Variants in CALHM2 observed in about 807,000 individuals in gnomAD.
CALHM2 encodes calcium homeostasis modulator family member 2, also known as calcium homeostasis modulator protein 2.
Under a neutral mutation model 20.4 loss-of-function variants are expected in CALHM2, and 18 were observed. The observed-to-expected ratio is 0.88, with a 90% CI of 0.61 to 1.31. The LOEUF is 1.31. Among genes scored for constraint, CALHM2 ranks in the 50% most tolerant of loss-of-function variants. CALHM2 has a pLI of 0.00. For synonymous variants in CALHM2, 193 were observed against 192.1 expected (o/e 1.00, Z -0.04); for missense variants, 411 against 435.7 (o/e 0.94, Z 0.50).
intron 3 of CALHM2, among the ~76,000 whole-genome samples, chr10:103,447,886 C>G (rs1412502118): frequency 6.6e-6 from 1 of 152,184 alleles, no homozygotes; most frequent in African/African-American, 2.4e-5. Context: ...CCTCTGGGAG[C>G]ACTTGTGCCT....
rs148209791 is a variant in CALHM2 at position 103,447,457 on chromosome 10, A to G, written c.667T>C (p.Tyr223His). Reference protein sequence around the residue: ...SYRQEAYWAQYRANEDQLFQR... With the variant: ...SYRQEAYWAQHRANEDQLFQR... ...AACAGCTGGTCCTCATTGGCGCGGTACTGCGCCCAGTAGGCCTCCTGGCGG... is the reference window on the plus strand; with the variant it reads ...AACAGCTGGTCCTCATTGGCGCGGTGCTGCGCCCAGTAGGCCTCCTGGCGG... Residue 223 changes from tyrosine (Y) to histidine (H), a missense_variant, in exon 4 of 4, where the codon TAC becomes CAC. Transcript: ENST00000260743. 6.2e-7 allele frequency: 1 copy of G among 1,614,154 alleles called. No homozygotes were observed. Among genetic ancestry groups the G allele is most frequent in the African/African-American group, 1.3e-5 (1 of 75,080 alleles).
rs1592148313 is a variant in CALHM2, at chr10:103,447,412, G to A, written c.712C>T (p.His238Tyr). Residue 238 changes from histidine (H) to tyrosine (Y), a missense_variant, in exon 4 of 4, where the codon CAC becomes TAC. Physicochemically the swap from His to Tyr is moderately conservative, Grantham distance 83. Transcript: ENST00000260743. The stretch of plus-strand genomic sequence containing the variant: ...TTGTTGGCAGCGAGCACCCGAGAGT[G>A]CACCTCGGCCGTGCGCTGGAACAGC... Reference protein sequence around the residue: ...DQLFQRTAEVHSRVLAANNVR... With the variant: ...DQLFQRTAEVYSRVLAANNVR... The A allele has an allele frequency of 6.2e-7, 1 of 1,614,190 alleles. No homozygotes were observed. The highest frequency in any genetic ancestry group is 8.5e-7 in the Non-Finnish European group (1 of 1,180,008).
Position 103,449,656 on chromosome 10 carries a change from C to G in CALHM2, c.286G>C (p.Ala96Pro). The G allele has an allele frequency of 1.2e-6, 2 of 1,613,814 alleles. No homozygotes were observed. Among genetic ancestry groups the G allele is most frequent in the Non-Finnish European group, 8.5e-7 (1 of 1,180,038 alleles). The change falls in exon 3 of 4, where the codon GCC (alanine) becomes CCC (proline). Residue 96 changes from alanine to proline, a missense_variant. Coordinates refer to ENST00000260743, the MANE Select transcript of CALHM2 (RefSeq NM_015916.5). ...CQHRRTKNCS[A>P]APTFLLLSSI... ...CTTAGAAGGAGGAAGGTGGGGGCGGCGGAGCAGTTCTTGGTCCTCCGGTGC... is the reference window on the plus strand; with the variant it reads ...CTTAGAAGGAGGAAGGTGGGGGCGGGGGAGCAGTTCTTGGTCCTCCGGTGC...
At position 103,449,546 on chromosome 10, in the gene CALHM2, G is replaced by A; in HGVS notation, c.396C>T (p.Leu132=). The A allele has an allele frequency of 6.2e-7, 1 of 1,613,784 alleles. No homozygotes were observed. Among genetic ancestry groups the A allele is most frequent in the Non-Finnish European group, 8.5e-7 (1 of 1,180,044 alleles). The part of the protein sequence containing the change: ...LLRGEAYVCA[L]SEFVDPSSLT... ...GTGAGGAAGGGTCCACGAACTCACT[G>A]AGAGCACAGACATAAGCCTCACCAC... is the stretch of plus-strand genomic sequence containing the variant. Residue 132 remains leucine (L), a synonymous_variant, in exon 3 of 4, where the codon CTC becomes CTT. Transcript: ENST00000260743.
Position 103,450,085 on chromosome 10 carries a change from T to C in CALHM2, c.-144A>G. ...TGTGCTATTTTATCCCCAGCTGTGGTTGGCCTGGTGTTTCCTGTGGAGCAG... is the reference window on the plus strand; with the variant it reads ...TGTGCTATTTTATCCCCAGCTGTGGCTGGCCTGGTGTTTCCTGTGGAGCAG... On this transcript the variant is annotated 5_prime_UTR_variant, in exon 3 of 4. Coordinates refer to ENST00000260743, the MANE Select transcript of CALHM2 (RefSeq NM_015916.5). 1 of 713,532 alleles carries C rather than the reference T, an allele frequency of 1.4e-6. No homozygotes were observed. The highest frequency in any genetic ancestry group is 2.3e-6 in the Non-Finnish European group (1 of 432,142). The allele number at this position is 713,532 out of a possible 1,614,324, so 44.2% of individuals were successfully genotyped here.
chr10:103,449,174 T>TA (rs149181024), intron 3 of CALHM2: 8,438 of 434,122 alleles, frequency 0.019, no homozygotes, highest in Middle Eastern at 0.027. Flanking sequence ...AGATTTACAG[T>TA]AAAAAAAAAA....
rs149608137 is a variant in CALHM2, at chr10:103,447,422, C to G, written c.702G>C (p.Thr234=). The G allele has an allele frequency of 3.7e-6, 6 of 1,614,070 alleles. No homozygotes were observed. In the African/African-American group the frequency reaches 6.7e-5, roughly 18 times the overall value. The stretch of plus-strand genomic sequence containing the variant: ...CGAGCACCCGAGAGTGCACCTCGGC[C>G]GTGCGCTGGAACAGCTGGTCCTCAT... ...RANEDQLFQR[T]AEVHSRVLAA... The change falls in exon 4 of 4, where the codon ACG becomes ACC. Residue 234 remains threonine, a synonymous_variant. Coordinates refer to ENST00000260743, the MANE Select transcript of CALHM2 (RefSeq NM_015916.5).
rs751332586 is a variant in CALHM2, at chr10:103,449,483, G to A, written c.459C>T (p.Ala153=). 2 of 1,613,448 alleles carry A rather than the reference G, an allele frequency of 1.2e-6. No homozygotes were observed. Among genetic ancestry groups the A allele is most frequent in the Non-Finnish European group, 8.5e-7 (1 of 1,180,008 alleles). Residue 153 remains alanine (A), a synonymous_variant, in exon 3 of 4, where the codon GCC becomes GCT. Transcript: ENST00000260743. ...AREEHFPSAH[A]TEILARFPCK... ...AGGGGAACCTGGCCAGGATTTCAGTGGCGTGGGCTGATGGGAAGTGCTCTT... is the reference window on the plus strand; with the variant it reads ...AGGGGAACCTGGCCAGGATTTCAGTAGCGTGGGCTGATGGGAAGTGCTCTT...
rs1483303893 is a variant in CALHM2, at chr10:103,449,495, T to C, written c.447A>G (p.Pro149=). 7 of 1,613,254 alleles carry C rather than the reference T, an allele frequency of 4.3e-6. No individual in the cohort carries two copies. In the East Asian group the frequency reaches 1.6e-4, roughly 36 times the overall value. The part of the protein sequence containing the change: ...SSLTAREEHF[P]SAHATEILAR... ...CCAGGATTTCAGTGGCGTGGGCTGA[T>C]GGGAAGTGCTCTTCCCTGGCCGTGA... Residue 149 remains proline, a synonymous_variant, in exon 3 of 4, where the codon CCA becomes CCG. Coordinates refer to ENST00000260743, the MANE Select transcript of CALHM2 (RefSeq NM_015916.5).
In CALHM2 at chr10:103,451,675, G is replaced by GAGGAGGAGGAGTAGT. The variant is rs56662667; in HGVS notation, c.-361-391_-361-390insACTACTCCTCCTCCT. Reference sequence around the variant, plus strand: ...GGAGGAGGAGGAGGAGGAGGAGGAGGAGTCTGATTCTTCCCCCACTTCACA... The same window carrying GAGGAGGAGGAGTAGT: ...GGAGGAGGAGGAGGAGGAGGAGGAGGAGGAGGAGGAGTAGTAGTCTGATTCTTCCCCCACTTCACA... On this transcript the variant is annotated intron_variant, in intron 1 of 3. Transcript: ENST00000260743. 4.1e-5 allele frequency: 6 copies of GAGGAGGAGGAGTAGT among 145,500 alleles called. No homozygotes were observed. The East Asian group carries it at 8.3e-4, about 20-fold the overall frequency. 9.0% of individuals were successfully genotyped at this position (145,500 alleles called of 1,614,324 possible).
In CALHM2 at chr10:103,449,930, C is replaced by A; in HGVS notation, c.12G>T (p.Leu4=). Reference sequence around the variant, plus strand: ...ACAGGAAGCGGAAGTTCTCTGCGATCAGGGCTGCCATGGCGATAGTCGTGG... The same window carrying A: ...ACAGGAAGCGGAAGTTCTCTGCGATAAGGGCTGCCATGGCGATAGTCGTGG... The part of the protein sequence containing the change: MAA[L]IAENFRFLSL... The change falls in exon 3 of 4, where the codon CTG becomes CTT. Residue 4 remains leucine, a synonymous_variant. Coordinates refer to ENST00000260743, the MANE Select transcript of CALHM2 (RefSeq NM_015916.5). 6.2e-7 allele frequency: 1 copy of A among 1,609,434 alleles called. No individual in the cohort carries two copies. The highest frequency in any genetic ancestry group is 1.1e-5 in the South Asian group (1 of 90,952).
chr10:103,449,001 G>T (rs1288743563), intron 3 of CALHM2, among the ~76,000 whole-genome samples: 1 of 152,126 alleles, frequency 6.6e-6, no homozygotes. Context: ...CCCTTCCTGG[G>T]ATAGGAATGT....
At chr10:103,447,626 C>T (rs376990149) in intron 3 of CALHM2, 58 bp from the exon 4 acceptor site, 2 of 1,426,386 alleles carry the variant, frequency 1.4e-6, no homozygotes, top group East Asian at 2.4e-5. Context: ...GCCCTACCCC[C>T]CAGAGCGAAT....
At chr10:103,448,613 C>T (rs1049693922) in intron 3 of CALHM2, among the ~76,000 whole-genome samples, 2 of 151,194 alleles carry the variant, frequency 1.3e-5, no homozygotes, top group South Asian at 2.1e-4. Context: ...CCCAGCTACT[C>T]GGGAGGCTGA....
rs752801441 is a variant in CALHM2, at chr10:103,447,180, T to C, written c.944A>G (p.Asn315Ser). 12 of 1,611,794 alleles carry C rather than the reference T, an allele frequency of 7.4e-6. No individual in the cohort carries two copies. In the South Asian group the frequency reaches 1.2e-4, roughly 16 times the overall value. Reference protein sequence around the residue: ...GLAGNGAAPDNVEMALLPS With the variant: ...GLAGNGAAPDSVEMALLPS ...GGAGGGGAGCAGGGCCATCTCCACG[T>C]TGTCAGGGGCCGCGCCGTTGCCTGC... The change falls in exon 4 of 4, where the codon AAC (asparagine) becomes AGC (serine). Residue 315 changes from asparagine (N) to serine (S), a missense_variant. Coordinates refer to ENST00000260743, the MANE Select transcript of CALHM2 (RefSeq NM_015916.5).
Position 103,449,678 on chromosome 10 carries a change from G to A in CALHM2, c.264C>T (p.His88=). 6.2e-7 allele frequency: 1 copy of A among 1,613,844 alleles called. No individual in the cohort carries two copies. Among genetic ancestry groups the A allele is most frequent in the Non-Finnish European group, 8.5e-7 (1 of 1,180,050 alleles). Residue 88 remains histidine, a synonymous_variant, in exon 3 of 4, where the codon CAC becomes CAT. Coordinates refer to ENST00000260743, the MANE Select transcript of CALHM2 (RefSeq NM_015916.5). ...CGGCGGAGCAGTTCTTGGTCCTCCG[G>A]TGCTGGCACTCGGCCACGAGGTTCC... is the stretch of plus-strand genomic sequence containing the variant. ...HTWNLVAECQ[H]RRTKNCSAAP...
At chr10:103,448,203 G>A (rs902810006) in intron 3 of CALHM2, among the ~76,000 whole-genome samples, 1 of 151,482 alleles carries the variant, frequency 6.6e-6, no homozygotes, top group Admixed American at 6.6e-5. Flanking sequence ...CTGGAGTACA[G>A]TGGCGTGATC....
chr10:103,450,859 ACT>A (rs1168720361), intron 2 of CALHM2: 2 of 150,210 alleles, frequency 1.3e-5, no homozygotes, highest in African/African-American at 4.9e-5. Flanking sequence ...TCTGCGTGAA[ACT>A]CTCCATCTCT....
intron 1 of CALHM2, chr10:103,451,885 A>G (rs1438638240): frequency 6.6e-6 from 1 of 152,486 alleles, no homozygotes. Context: ...ATACCTGCAC[A>G]GGGTGGGTGG....
Sources: gnomAD v4.1 joint callset for allele counts (sites outside exome capture counted in the v4.1 genomes callset) on GRCh38, gnomAD v4.1.1 for gene constraint, MANE v1.5 for transcripts, NCBI Gene and HGNC (gene_info 2026-07-23, HGNC 2026-07-21) for gene names.